Variants in RND3 observed in about 807,000 individuals in gnomAD.
RND3 encodes the protein rho-related GTP-binding protein RhoE.
RND3 carries 8 observed loss-of-function variants against 26.5 expected under a neutral mutation model. That is an observed-to-expected ratio of 0.30 (90% CI 0.18 to 0.54). RND3 has a LOEUF of 0.54. Among genes scored for constraint, RND3 ranks in the 20% least tolerant of loss-of-function variants. The pLI, the probability that RND3 is intolerant of heterozygous loss-of-function variation, is 0.94. For missense variants in RND3, 207 were observed against 302.8 expected (o/e 0.68, Z 2.35); for synonymous variants, 113 against 113.0 (o/e 1.00, Z 0.00).
At position 150,470,008 on chromosome 2, in the gene RND3, C is replaced by T. The variant is rs749101140; in HGVS notation, c.714G>A (p.Ala238=). 8 of 1,613,832 alleles carry T rather than the reference C, an allele frequency of 5.0e-6. No individual in the cohort carries two copies. Among genetic ancestry groups the T allele is most frequent in the East Asian group, 2.2e-5 (1 of 44,892 alleles). The stretch of plus-strand genomic sequence containing the variant: ...AGATTCACATCACAGTGCAGCTCTT[C>T]GCTTTGTCCTTTCGTAAGTCCGTAG... ...AVATDLRKDK[A]KSCTVM is the part of the protein sequence containing the mutation. The change falls in exon 6 of 6, where the codon GCG becomes GCA. Residue 238 remains alanine, a synonymous_variant. Transcript: ENST00000263895.
chr2:150,487,477 AT>A (rs1686406307), intron 1 of RND3, 22 bp from the exon 2 acceptor site: 15 of 321,216 alleles, frequency 4.7e-5, no homozygotes, highest in East Asian at 2.5e-4. Flanking sequence ...AAAAAAAAAT[AT>A]ATATATATAT....
At chr2:150,478,895 T>G (rs1014452402) in intron 3 of RND3, among the ~76,000 whole-genome samples, 23 of 152,302 alleles carry the variant, frequency 1.5e-4, no homozygotes, top group African/African-American at 4.8e-4. Context: ...AGCATTTCTC[T>G]GGTACTATAT....
At chr2:150,471,308 C>A (rs1030688057) in intron 5 of RND3, among the ~76,000 whole-genome samples, 12 of 152,104 alleles carry the variant, frequency 7.9e-5, no homozygotes, top group Non-Finnish European at 1.5e-5. Context: ...TGGCAACAGC[C>A]TTATTATTGT....
Position 150,487,342 on chromosome 2 carries a change from T to A in RND3, c.76A>T (p.Ile26Leu), listed in dbSNP as rs754971352. 1.2e-6 allele frequency: 2 copies of A among 1,606,486 alleles called. No homozygotes were observed. The highest frequency in any genetic ancestry group is 1.7e-6 in the Non-Finnish European group (2 of 1,176,184). ...MDPNQNVKCK[I>L]VVVGDSQCGK... ...CACTGACTGTCTCCCACCACAACTA[T>A]CTTGCATTTCACGTTCTGATTAGGA... Residue 26 changes from isoleucine to leucine, a missense_variant, in exon 2 of 6, where the codon ATA becomes TTA. By Grantham distance (5) the Ile-to-Leu change is conservative. Coordinates refer to ENST00000263895, the MANE Select transcript of RND3 (RefSeq NM_005168.5).
chr2:150,487,476 T>TATATAGATATAG, intron 1 of RND3, 21 bp from the exon 2 acceptor site: 1 of 212,074 alleles, frequency 4.7e-6, no homozygotes. Context: ...AAAAAAAAAA[T>TATATAGATATAG]ATATATATAT....
rs34091764 is a variant in RND3, at chr2:150,469,643, C to CAAAAA, written c.*339_*343dup. ...GTGGAGATCCATGAATAGATTATAACAAAAAAAAAAAACCCAAAAATGCAA... is the reference window on the plus strand; with the variant it reads ...GTGGAGATCCATGAATAGATTATAACAAAAAAAAAAAAAAAAACCCAAAAATGCAA... On this transcript the variant is annotated 3_prime_UTR_variant, in exon 6 of 6. Coordinates refer to ENST00000263895, the MANE Select transcript of RND3 (RefSeq NM_005168.5). 1.5e-3 allele frequency: 270 copies of CAAAAA among 180,896 alleles called. No individual in the cohort carries two copies. Among genetic ancestry groups the CAAAAA allele is most frequent in the South Asian group, 3.7e-3 (28 of 7,592 alleles). The allele number at this position is 180,896 out of a possible 1,614,324, so 11.2% of individuals were successfully genotyped here. A position where few individuals can be genotyped will look rare whatever the true frequency, so the allele number is the denominator to read the frequency against.
rs898897246 is a variant in RND3 at position 150,486,422 on chromosome 2, C to G, written c.238+272G>C. ...ACCCAAGGCGACTTGACCACGACTC[C>G]GCGGGCGGACTGCGCCTGGCCACTA... On this transcript the variant is annotated intron_variant, in intron 3 of 5. Transcript: ENST00000263895. The surrounding 1 kb of genome is among the most constrained non-coding windows in gnomAD (Gnocchi z 4.5). Among the ~76,000 whole-genome samples, 1 of 152,238 alleles carries G rather than the reference C, an allele frequency of 6.6e-6. No individual in the cohort carries two copies. Among genetic ancestry groups the G allele is most frequent in the Non-Finnish European group, 1.5e-5 (1 of 68,034 alleles).
intron 3 of RND3, among the ~76,000 whole-genome samples, chr2:150,478,756 G>T (rs1190857472): frequency 6.6e-6 from 1 of 152,052 alleles, no homozygotes; most frequent in Non-Finnish European, 1.5e-5. Flanking sequence ...GATATACACA[G>T]AGTATGTGCT....
In RND3 at chr2:150,486,631, C is replaced by A. The variant is rs2105225019; in HGVS notation, c.238+63G>T. ...TTGTAGCGCGCGGTTTCCCGAGACC[C>A]GCCGCGCATCCCCCAGCGACTGGAA... On this transcript the variant is annotated intron_variant, in intron 3 of 5. Transcript: ENST00000263895. This position sits in a 1 kb window ranked among gnomAD's most constrained non-coding sequence, Gnocchi z 4.5. 2.5e-6 allele frequency: 3 copies of A among 1,194,726 alleles called. No homozygotes were observed. The highest frequency in any genetic ancestry group is 3.8e-6 in the Non-Finnish European group (3 of 797,652). The allele number at this position is 1,194,726 out of a possible 1,614,324, so 74.0% of individuals were successfully genotyped here.
rs1686061801 is a variant in RND3, at chr2:150,470,145, C to T, written c.577G>A (p.Ala193Thr). ...GTCTTATTTACACATGCCAAGGTGG[C>T]AACGTGAAAAATGTCTCTGACGCTA... is the stretch of plus-strand genomic sequence containing the variant. ...ENSVRDIFHV[A>T]TLACVNKTNK... The change falls in exon 6 of 6, where the codon GCC (alanine) becomes ACC (threonine). Residue 193 changes from alanine to threonine, a missense_variant. Transcript: ENST00000263895. 2 of 1,613,760 alleles carry T rather than the reference C, an allele frequency of 1.2e-6. No individual in the cohort carries two copies. The highest frequency in any genetic ancestry group is 1.1e-5 in the South Asian group (1 of 91,086).
chr2:150,486,687 C>G lies in RND3; in HGVS notation c.238+7G>C. On this transcript the variant is annotated splice_region_variant and intron_variant, in intron 3 of 5. Coordinates refer to ENST00000263895, the MANE Select transcript of RND3 (RefSeq NM_005168.5). The surrounding 1 kb of genome is among the most constrained non-coding windows in gnomAD (Gnocchi z 4.5). ...CCCCAAGCGCCACGCGGTCCTCCCA[C>G]TCTTACCCGAAGTGTCCCACAGGCT... The G allele has an allele frequency of 6.2e-7, 1 of 1,605,322 alleles. No individual in the cohort carries two copies. Among genetic ancestry groups the G allele is most frequent in the Non-Finnish European group, 8.5e-7 (1 of 1,171,928 alleles).
At chr2:150,471,574 C>T in intron 5 of RND3, 53 bp downstream of exon 5, 1 of 1,426,204 alleles carries the variant, frequency 7.0e-7, no homozygotes, top group South Asian at 1.3e-5. Context: ...AGTGATAGTC[C>T]ATTTCTTTCA....
intron 3 of RND3, among the ~76,000 whole-genome samples, chr2:150,477,593 G>A (rs896125140): frequency 1.6e-4 from 24 of 152,050 alleles, no homozygotes; most frequent in Non-Finnish European, 3.2e-4. Flanking sequence ...TCACCTGCTG[G>A]AGACTGCTAC....
chr2:150,487,147 G>T (rs1014771152), intron 2 of RND3, 121 bp downstream of exon 2: 7 of 780,690 alleles, frequency 9.0e-6, no homozygotes, highest in African/African-American at 7.5e-5. Flanking sequence ...GACCGAGAAA[G>T]ACTTTTTTTT....
rs371684868 is a variant in RND3 at position 150,486,687 on chromosome 2, C to T, written c.238+7G>A. 2 of 1,605,204 alleles carry T rather than the reference C, an allele frequency of 1.2e-6. No homozygotes were observed. The highest frequency in any genetic ancestry group is 1.3e-5 in the African/African-American group (1 of 74,758). On this transcript the variant is annotated splice_region_variant and intron_variant, in intron 3 of 5. Transcript: ENST00000263895. This position sits in a 1 kb window ranked among gnomAD's most constrained non-coding sequence, Gnocchi z 4.5. Reference sequence around the variant, plus strand: ...CCCCAAGCGCCACGCGGTCCTCCCACTCTTACCCGAAGTGTCCCACAGGCT... The same window carrying T: ...CCCCAAGCGCCACGCGGTCCTCCCATTCTTACCCGAAGTGTCCCACAGGCT...
intron 4 of RND3, among the ~76,000 whole-genome samples, chr2:150,473,803 T>C (rs1686122250): frequency 6.6e-6 from 1 of 152,022 alleles, no homozygotes; most frequent in African/African-American, 2.4e-5. Context: ...ACACACAAAA[T>C]ACAAATAAAT....
rs1573953671 is a variant in RND3, at chr2:150,475,000, GAC to G, written c.239-18_239-17del. The G allele has an allele frequency of 6.5e-7, 1 of 1,530,830 alleles. No homozygotes were observed. The highest frequency in any genetic ancestry group is 9.1e-7 in the Non-Finnish European group (1 of 1,104,918). The allele number at this position is 1,530,830 out of a possible 1,614,324, so 94.8% of individuals were successfully genotyped here. A position where few individuals can be genotyped will look rare whatever the true frequency, so the allele number is the denominator to read the frequency against. ...TAAGGAGAACCTGAGAAGAAACAAA[GAC>G]ACACAAATTTTCAGATGAGAGTCCC... On this transcript the variant is annotated splice_polypyrimidine_tract_variant and intron_variant, in intron 3 of 5. Coordinates refer to ENST00000263895, the MANE Select transcript of RND3 (RefSeq NM_005168.5).
At chr2:150,484,131 C>T (rs1254901524) in intron 3 of RND3, among the ~76,000 whole-genome samples, 2 of 152,168 alleles carry the variant, frequency 1.3e-5, no homozygotes, top group Non-Finnish European at 2.9e-5. Context: ...GTCAGGGAAC[C>T]TCATCTCCTT....
intron 5 of RND3, among the ~76,000 whole-genome samples, chr2:150,471,095 G>A (rs1233418187): frequency 6.6e-6 from 1 of 152,104 alleles, no homozygotes; most frequent in African/African-American, 2.4e-5. Flanking sequence ...AATGAGAAAT[G>A]GAAGACTAAG....
Sources: allele counts gnomAD v4.1 joint callset (sites outside exome capture counted in the v4.1 genomes callset), GRCh38; gene constraint gnomAD v4.1.1; non-coding constraint Gnocchi (gnomAD v3.1); transcripts MANE v1.5; gene names NCBI Gene and HGNC (gene_info 2026-07-23, HGNC 2026-07-21).